CA10: variants seen among roughly 807,000 people sequenced by gnomAD.
The protein encoded by CA10 is carbonic anhydrase 10 (inactive), also known as carbonic anhydrase-related protein 10.
Under a neutral mutation model 44.2 loss-of-function variants are expected in CA10, and 14 were observed. That is an observed-to-expected ratio of 0.32 (90% CI 0.21 to 0.50). The LOEUF is 0.50. Ranked by LOEUF, CA10 falls within the 20% of genes least tolerant of loss-of-function variation. CA10 has a pLI of 0.99. For synonymous variants in CA10, 159 were observed against 141.6 expected (o/e 1.12, Z -0.87); for missense variants, 350 against 409.7 (o/e 0.85, Z 1.26).
intron 3 of CA10, among the ~76,000 whole-genome samples, chr17:51,861,822 A>G (rs1050858455): frequency 2.0e-5 from 3 of 152,208 alleles, no homozygotes; most frequent in Non-Finnish European, 4.4e-5. Flanking sequence ...AAGATTACTT[A>G]TGTATATGAC....
chr17:52,011,591 T>C (rs2144136527), intron 2 of CA10, among the ~76,000 whole-genome samples: 1 of 152,134 alleles, frequency 6.6e-6, no homozygotes, highest in Admixed American at 6.6e-5. Flanking sequence ...CAAAAGAACA[T>C]TTGGATTTTT....
chr17:51,873,108 G>A (rs1336214373), intron 3 of CA10, among the ~76,000 whole-genome samples: 2 of 152,208 alleles, frequency 1.3e-5, no homozygotes, highest in South Asian at 2.1e-4. Context: ...TGGGATTTGA[G>A]GGAAGTTATT....
At chr17:52,062,912 G>C (rs1987429223) in intron 2 of CA10, among the ~76,000 whole-genome samples, 1 of 152,192 alleles carries the variant, frequency 6.6e-6, no homozygotes, top group Non-Finnish European at 1.5e-5. Flanking sequence ...ATAGCCACTG[G>C]CAATGAGCCA....
intron 3 of CA10, among the ~76,000 whole-genome samples, chr17:51,767,698 A>G (rs1003035314): frequency 4.0e-5 from 6 of 151,800 alleles, no homozygotes; most frequent in African/African-American, 1.5e-4. Context: ...ACAACTCATC[A>G]TAATGTAAAA....
intron 1 of CA10, among the ~76,000 whole-genome samples, chr17:52,120,271 A>C (rs1386515707): frequency 6.6e-6 from 1 of 151,936 alleles, no homozygotes; most frequent in Non-Finnish European, 1.5e-5. Flanking sequence ...AAATACTCCA[A>C]ATAGTCCTGC....
At chr17:51,845,763 C>T (rs562775990) in intron 3 of CA10, among the ~76,000 whole-genome samples, 28 of 152,292 alleles carry the variant, frequency 1.8e-4, no homozygotes, top group Non-Finnish European at 2.8e-4. Flanking sequence ...TTGCACAGAA[C>T]GCTCTGTCAT....
In CA10 at chr17:51,829,064, A is replaced by G. The variant is rs57778947; in HGVS notation, c.280-81246T>C. On this transcript the variant is annotated intron_variant, in intron 3 of 8. Transcript: ENST00000451037. ...GTTCCAGCTCATAGCCTGTGTTTGT[A>G]TGGCCCTGCAAGCTGAGAATGGTTG... 3.4e-3 allele frequency among the ~76,000 whole-genome samples: 521 copies of G among 152,314 alleles called. 3 individuals carry two copies. Among genetic ancestry groups the G allele is most frequent in the African/African-American group, 0.012 (499 of 41,588 alleles).
intron 2 of CA10, among the ~76,000 whole-genome samples, chr17:52,024,000 G>T (rs911435401): frequency 6.6e-6 from 1 of 151,822 alleles, no homozygotes; most frequent in Non-Finnish European, 1.5e-5. Context: ...TGTTTCTGTG[G>T]GTTAGTGTTT....
intron 2 of CA10, among the ~76,000 whole-genome samples, chr17:51,991,300 C>G (rs897027123): frequency 5.3e-5 from 8 of 152,092 alleles, no homozygotes; most frequent in Admixed American, 1.3e-4. Flanking sequence ...TTTCTAATGG[C>G]CAGCTGCAAA....
At position 51,899,903 on chromosome 17, in the gene CA10, T is replaced by A. The variant is rs943115225; in HGVS notation, c.279+31087A>T. ...CATTTGCTTGGTAGATTTTTCTACA[T>A]CCCTTTACTTTGAGACTATGGGTGT... On this transcript the variant is annotated intron_variant, in intron 3 of 8. Transcript: ENST00000451037. Among the ~76,000 whole-genome samples, 9 of 150,344 alleles carry A rather than the reference T, an allele frequency of 6.0e-5. No individual in the cohort carries two copies. In the South Asian group the frequency reaches 1.9e-3, roughly 32 times the overall value.
intron 3 of CA10, among the ~76,000 whole-genome samples, chr17:51,919,044 T>G (rs1423784563): frequency 6.6e-6 from 1 of 152,190 alleles, no homozygotes. Flanking sequence ...TTCCAGTTTT[T>G]CAGTTTTAAT....
At chr17:51,894,857 C>G (rs1981004029) in intron 3 of CA10, among the ~76,000 whole-genome samples, 1 of 151,962 alleles carries the variant, frequency 6.6e-6, no homozygotes, top group South Asian at 2.1e-4. Flanking sequence ...GAAAGAGATA[C>G]AGATGGAGGG....
intron 3 of CA10, among the ~76,000 whole-genome samples, chr17:51,780,735 A>G (rs982061184): frequency 6.6e-6 from 1 of 152,208 alleles, no homozygotes; most frequent in African/African-American, 2.4e-5. Context: ...TATTGAGTCA[A>G]AAGTCAAATC....
At chr17:51,961,869 A>G (rs1000274731) in intron 2 of CA10, among the ~76,000 whole-genome samples, 2 of 152,074 alleles carry the variant, frequency 1.3e-5, no homozygotes, top group Non-Finnish European at 2.9e-5. Flanking sequence ...CGGGCATTCA[A>G]AGCACCGGCT....
At chr17:52,022,450 A>G (rs1265274190) in intron 2 of CA10, among the ~76,000 whole-genome samples, 4 of 152,124 alleles carry the variant, frequency 2.6e-5, no homozygotes, top group East Asian at 1.9e-4. Flanking sequence ...GAAGGAATGT[A>G]TCTCAAAATT....
At chr17:51,784,139 C>A (rs917911468) in intron 3 of CA10, among the ~76,000 whole-genome samples, 3 of 152,132 alleles carry the variant, frequency 2.0e-5, no homozygotes, top group Non-Finnish European at 4.4e-5. Flanking sequence ...GGAAGCAAAC[C>A]AGACAGCTTC....
At chr17:51,703,670 T>G (rs1357477238) in intron 4 of CA10, among the ~76,000 whole-genome samples, 2 of 152,204 alleles carry the variant, frequency 1.3e-5, no homozygotes, top group Non-Finnish European at 2.9e-5. Flanking sequence ...AGGTGTGCGA[T>G]GTACAAGAGT....
At chr17:51,890,920 C>T (rs191708265) in intron 3 of CA10, among the ~76,000 whole-genome samples, 28 of 152,182 alleles carry the variant, frequency 1.8e-4, no homozygotes, top group Admixed American at 1.2e-3. Context: ...GCAGACAGCC[C>T]GGAAAGAGTC....
At chr17:52,021,165 T>G (rs968966030) in intron 2 of CA10, among the ~76,000 whole-genome samples, 6 of 152,100 alleles carry the variant, frequency 3.9e-5, no homozygotes, top group African/African-American at 1.4e-4. Context: ...ATGGCATTTT[T>G]TAAGAATTAA....
Sources: allele counts gnomAD v4.1 joint callset (sites outside exome capture counted in the v4.1 genomes callset), GRCh38; gene constraint gnomAD v4.1.1; transcripts MANE v1.5; gene names NCBI Gene and HGNC (gene_info 2026-07-23, HGNC 2026-07-21).